The following PPP1R21 variants were observed in gnomAD, a reference collection of about 807,000 sequenced individuals.
PPP1R21 encodes the protein KLRAQ motif containing 1.
Under a neutral mutation model 112.8 loss-of-function variants are expected in PPP1R21, and 85 were observed. The observed-to-expected ratio is 0.75, with a 90% CI of 0.63 to 0.90. The LOEUF is 0.90. PPP1R21 is among the 40% of genes least tolerant of loss of function. The pLI is 0.00. For synonymous variants in PPP1R21, 381 were observed against 322.3 expected, an observed-to-expected ratio of 1.18 and a Z score of -1.95; for missense variants, 1,199 against 901.5, an observed-to-expected ratio of 1.33 and a Z score of -4.23.
rs113229051 is a variant in PPP1R21 at position 48,460,974 on chromosome 2, G to A, written c.600-164G>A. The stretch of plus-strand genomic sequence containing the variant: ...CCCTGGGACTTGAGAAGCCAGGTTA[G>A]CGTTTTTGTTATCTTCCTCTTTTAA... On this transcript the variant is annotated intron_variant, in intron 6 of 21. Coordinates refer to ENST00000294952, the MANE Select transcript of PPP1R21 (RefSeq NM_001135629.3). Among the ~76,000 whole-genome samples, 456 of 152,310 alleles carry A rather than the reference G, an allele frequency of 3.0e-3. 4 individuals are homozygous for A. Among genetic ancestry groups the A allele is most frequent in the African/African-American group, 0.01 (423 of 41,564 alleles).
In PPP1R21 at chr2:48,509,975, A is replaced by G. The variant is rs764395745; in HGVS notation, c.2086-40A>G. Reference sequence around the variant, plus strand: ...TCCCGAAGCAAATTTGGTTTTAGAAAGTGCTCCCTCTAGTAATGGAATGTT... The same window carrying G: ...TCCCGAAGCAAATTTGGTTTTAGAAGGTGCTCCCTCTAGTAATGGAATGTT... On this transcript the variant is annotated intron_variant, in intron 19 of 21. Transcript: ENST00000294952. 10 of 1,496,470 alleles carry G rather than the reference A, an allele frequency of 6.7e-6. No homozygotes were observed. The South Asian group carries it at 7.4e-5, about 11-fold the overall frequency. The allele number at this position is 1,496,470 out of a possible 1,614,324, so 92.7% of individuals were successfully genotyped here. A position where few individuals can be genotyped will look rare whatever the true frequency, so the allele number is the denominator to read the frequency against.
rs368768640 is a variant in PPP1R21, at chr2:48,470,842, C to T, written c.898-245C>T. Among the ~76,000 whole-genome samples, 4 of 152,210 alleles carry T rather than the reference C, an allele frequency of 2.6e-5. No homozygotes were observed. In the South Asian group the frequency reaches 6.2e-4, roughly 24 times the overall value. ...TTGTGTCACCCCTCTTCTAGTTCCT[C>T]GATTTAGAATGGGATAGGGACTTGG... On this transcript the variant is annotated intron_variant, in intron 9 of 21. Transcript: ENST00000294952.
intron 9 of PPP1R21, among the ~76,000 whole-genome samples, chr2:48,468,835 G>GTGTA (rs745474227): frequency 6.9e-6 from 1 of 144,938 alleles, no homozygotes; most frequent in Non-Finnish European, 1.5e-5. Flanking sequence ...ATGTATGTGT[G>GTGTA]TGTGTGTGTG....
chr2:48,506,748 A>T (rs1029418513), intron 18 of PPP1R21, among the ~76,000 whole-genome samples: 8 of 152,176 alleles, frequency 5.3e-5, no homozygotes, highest in African/African-American at 1.9e-4. Flanking sequence ...GATCGAGACC[A>T]TCCTGCCTAA....
intron 16 of PPP1R21, 118 bp from the exon 17 acceptor site, chr2:48,498,372 TTTA>T: frequency 3.3e-6 from 3 of 914,928 alleles, no homozygotes; most frequent in Non-Finnish European, 4.9e-6. Context: ...AGGGTCAAAC[TTTA>T]TTATTATATT....
chr2:48,455,767 C>A (rs912674362), intron 3 of PPP1R21, among the ~76,000 whole-genome samples: 4 of 151,976 alleles, frequency 2.6e-5, no homozygotes, highest in African/African-American at 9.7e-5. Context: ...GTAATCCCAG[C>A]ACTTTGGGAG....
intron 2 of PPP1R21, among the ~76,000 whole-genome samples, chr2:48,451,491 T>G (rs775449577): frequency 1.3e-5 from 2 of 152,174 alleles, no homozygotes; most frequent in Non-Finnish European, 2.9e-5. Context: ...TGTGAATCAT[T>G]TAGTCCCTAA....
At position 48,486,626 on chromosome 2, in the gene PPP1R21, T is replaced by C. The variant is rs778930809; in HGVS notation, c.1319-5T>C. ...TAATGAATTTTCATGTAATTGCTTT[T>C]ATAGATATTTCCAAACATTATAGTC... On this transcript the variant is annotated splice_polypyrimidine_tract_variant and splice_region_variant and intron_variant, in intron 13 of 21. Transcript: ENST00000294952. The C allele has an allele frequency of 6.2e-7, 1 of 1,604,648 alleles. No homozygotes were observed. The highest frequency in any genetic ancestry group is 2.2e-5 in the East Asian group (1 of 44,764).
At chr2:48,510,467 G>T (rs942532536) in intron 20 of PPP1R21, among the ~76,000 whole-genome samples, 1 of 152,170 alleles carries the variant, frequency 6.6e-6, no homozygotes, top group African/African-American at 2.4e-5. Context: ...GCATAAAACG[G>T]ATCTAAACTG....
At chr2:48,449,792 A>G (rs6545040) in intron 1 of PPP1R21, among the ~76,000 whole-genome samples, 148,043 of 151,614 alleles carry the variant, frequency 0.98, 72,401 homozygotes, top group Middle Eastern at 0.99. Context: ...TCACATACAA[A>G]GATGTCTCAT....
At chr2:48,475,845 CAAA>C (rs1051749703) in intron 12 of PPP1R21, among the ~76,000 whole-genome samples, 1 of 138,566 alleles carries the variant, frequency 7.2e-6, no homozygotes, top group Admixed American at 7.2e-5. Flanking sequence ...GAAACTGTCT[CAAA>C]AAAAAAAAAG....
chr2:48,446,965 G>A (rs1667275159), intron 1 of PPP1R21, among the ~76,000 whole-genome samples: 4 of 152,050 alleles, frequency 2.6e-5, no homozygotes, highest in Non-Finnish European at 4.4e-5. Flanking sequence ...TGGCTAGGCT[G>A]GTTTTGAACT....
chr2:48,513,847 C>T (rs1670746826), intron 21 of PPP1R21, among the ~76,000 whole-genome samples: 2 of 152,194 alleles, frequency 1.3e-5, no homozygotes, highest in Non-Finnish European at 2.9e-5. Context: ...AGAAGGGAGC[C>T]TCTCCAGAAA....
intron 20 of PPP1R21, among the ~76,000 whole-genome samples, chr2:48,510,729 C>T (rs754174351): frequency 3.9e-5 from 6 of 152,120 alleles, no homozygotes; most frequent in Non-Finnish European, 8.8e-5. Context: ...ACGGTGCTGC[C>T]GGGAGGGCTG....
intron 11 of PPP1R21, among the ~76,000 whole-genome samples, chr2:48,473,142 T>C (rs1474227428): frequency 6.6e-6 from 1 of 151,848 alleles, no homozygotes; most frequent in East Asian, 1.9e-4. Context: ...TCTTTCCTAA[T>C]TCTATCCTTA....
chr2:48,501,816 A>T (rs1488890260), intron 17 of PPP1R21: 1 of 152,148 alleles, frequency 6.6e-6, no homozygotes, highest in Non-Finnish European at 1.5e-5. Flanking sequence ...CTCTAAAAAA[A>T]AAAAACAAAT....
Position 48,459,802 on chromosome 2 carries a change from A to C in PPP1R21, c.424A>C (p.Ser142Arg). The C allele has an allele frequency of 1.2e-6, 2 of 1,614,080 alleles. No homozygotes were observed. Among genetic ancestry groups the C allele is most frequent in the Non-Finnish European group, 1.7e-6 (2 of 1,180,036 alleles). The change falls in exon 5 of 22, where the codon AGT becomes CGT. Residue 142 changes from serine (S) to arginine (R), a missense_variant. Transcript: ENST00000294952. ...QHKHVEAELRSRLATLETEAA... is the reference protein window; with the variant it reads ...QHKHVEAELRRRLATLETEAA... ...CAAGCATGTGGAAGCAGAGCTGAGG[A>C]GTCGACTGGCCACTCTGGAGACAGA...
chr2:48,460,026 G>C, intron 5 of PPP1R21, 69 bp from the exon 6 acceptor site: 1 of 1,599,424 alleles, frequency 6.3e-7, no homozygotes, highest in Non-Finnish European at 8.6e-7. Flanking sequence ...TGCCTGCAGG[G>C]TCTTACTAAG....
chr2:48,497,651 A>ATTT (rs1208738625), intron 16 of PPP1R21, among the ~76,000 whole-genome samples: 2 of 134,194 alleles, frequency 1.5e-5, no homozygotes, highest in African/African-American at 2.7e-5. Context: ...CTATAGTTCT[A>ATTT]TTTTTTTTTT....
Sources: gnomAD v4.1 joint callset for allele counts (sites outside exome capture counted in the v4.1 genomes callset) on GRCh38, gnomAD v4.1.1 for gene constraint, MANE v1.5 for transcripts, NCBI Gene and HGNC (gene_info 2026-07-23, HGNC 2026-07-21) for gene names.